The following TENM2 variants were observed in gnomAD, a reference collection of about 807,000 sequenced individuals.
The protein encoded by TENM2 is teneurin-2.
TENM2 carries 52 observed loss-of-function variants against 245.2 expected under a neutral mutation model. The ratio of observed to expected loss-of-function variants is 0.21; its 90% CI spans 0.17 to 0.27. The LOEUF is 0.27. TENM2 is among the 10% of genes least tolerant of loss of function. The probability of loss-of-function intolerance (pLI) is 1.00; values close to 1 mark genes in which losing one functional copy is unlikely to be tolerated. For missense variants in TENM2, 3,046 were observed against 3,666.8 expected (o/e 0.83, Z 4.37); for synonymous variants, 1,363 against 1,438.9 (o/e 0.95, Z 1.19).
intron 2 of TENM2, among the ~76,000 whole-genome samples, chr5:167,651,075 A>G (rs1358746114): frequency 6.6e-6 from 1 of 152,006 alleles, no homozygotes; most frequent in South Asian, 2.1e-4. Flanking sequence ...ATAGGAAATC[A>G]TGTCATCCTA....
chr5:167,506,885 G>A (rs1399355604), intron 2 of TENM2, among the ~76,000 whole-genome samples: 1 of 152,192 alleles, frequency 6.6e-6, no homozygotes, highest in Non-Finnish European at 1.5e-5. Context: ...CCATCATCTT[G>A]AACCTACTTT....
chr5:167,595,634 G>C (rs531662551), intron 2 of TENM2, among the ~76,000 whole-genome samples: 1 of 152,340 alleles, frequency 6.6e-6, no homozygotes, highest in Non-Finnish European at 1.5e-5. Context: ...GATTTCGTTA[G>C]TTGTTTAGTA....
At chr5:167,734,347 T>C (rs1760649243) in intron 2 of TENM2, among the ~76,000 whole-genome samples, 1 of 151,926 alleles carries the variant, frequency 6.6e-6, no homozygotes, top group Middle Eastern at 3.2e-3. Context: ...TAAAAAATAA[T>C]ATGAGAAATA....
At chr5:167,176,112 C>G in the TENM2 span, among the ~76,000 whole-genome samples, 1 of 152,224 alleles carries the variant, frequency 6.6e-6, no homozygotes, top group South Asian at 2.1e-4. Context: ...CATTGCACTT[C>G]AAATTAACAG....
At chr5:167,321,005 C>T (rs13178466) in intron 1 of TENM2, among the ~76,000 whole-genome samples, 88,032 of 151,832 alleles carry the variant, frequency 0.58, 25,640 homozygotes, top group Admixed American at 0.64. Flanking sequence ...TTTTGTTCTT[C>T]CAAGTCACTT....
the TENM2 span, among the ~76,000 whole-genome samples, chr5:167,030,183 T>C: frequency 6.6e-6 from 1 of 152,216 alleles, no homozygotes; most frequent in Non-Finnish European, 1.5e-5. Flanking sequence ...GCTCTTTACT[T>C]CTTCACTGAC....
At chr5:167,084,353 A>ATGTG in the TENM2 span, among the ~76,000 whole-genome samples, 1 of 110,938 alleles carries the variant, frequency 9.0e-6, no homozygotes, top group African/African-American at 3.1e-5. Context: ...ATATATATAT[A>ATGTG]TATATATATA....
At chr5:167,160,622 G>A in the TENM2 span, among the ~76,000 whole-genome samples, 1 of 152,222 alleles carries the variant, frequency 6.6e-6, no homozygotes, top group East Asian at 1.9e-4. Flanking sequence ...CACTTCCTCA[G>A]AGAACTTCCC....
chr5:167,970,607 A>G (rs1009273738), intron 4 of TENM2, among the ~76,000 whole-genome samples: 11 of 152,158 alleles, frequency 7.2e-5, no homozygotes, highest in African/African-American at 2.4e-4. Flanking sequence ...TCAAGCTCCT[A>G]ATATTCTCAG....
At chr5:167,042,884 A>G in the TENM2 span, among the ~76,000 whole-genome samples, 1 of 152,182 alleles carries the variant, frequency 6.6e-6, no homozygotes, top group African/African-American at 2.4e-5. Context: ...AACAAAGTAG[A>G]TGATTGAAAG....
intron 1 of TENM2, chr5:167,302,977 C>T (rs1385623015): frequency 6.6e-6 from 1 of 152,316 alleles, no homozygotes; most frequent in Non-Finnish European, 1.5e-5. Context: ...ATGGATAAAA[C>T]GTGTCTCCTT....
At chr5:167,811,221 C>G (rs983539365) in intron 2 of TENM2, among the ~76,000 whole-genome samples, 1 of 152,056 alleles carries the variant, frequency 6.6e-6, no homozygotes, top group Non-Finnish European at 1.5e-5. Flanking sequence ...TATGTGTCCC[C>G]TCTAAATCTC....
chr5:167,690,855 G>GTATATA (rs1171591160), intron 2 of TENM2, among the ~76,000 whole-genome samples: 3 of 150,734 alleles, frequency 2.0e-5, no homozygotes, highest in African/African-American at 7.3e-5. Context: ...ATATATGTTT[G>GTATATA]TATATATGTA....
chr5:167,151,266 G>A, the TENM2 span, among the ~76,000 whole-genome samples: 2 of 152,026 alleles, frequency 1.3e-5, no homozygotes, highest in Non-Finnish European at 2.9e-5. Flanking sequence ...TTTTTTCAAT[G>A]GGGAAAGTTT....
chr5:167,431,951 ATATATATATG>A (rs1561950343), intron 2 of TENM2, among the ~76,000 whole-genome samples: 442 of 38,998 alleles, frequency 0.011, 4 homozygotes, highest in Non-Finnish European at 0.021. Context: ...ATATATATGT[ATATATATATG>A]TATATATATA....
rs111925742 is a variant in TENM2 at position 167,658,809 on chromosome 5, G to C, written c.503-217177G>C. On this transcript the variant is annotated intron_variant, in intron 2 of 28. Transcript: ENST00000518659. ...AAATTCAGAATGGATTGTTCCAGGA[G>C]ACTGTAAGAAAGATCATGTAGCAAG... 5.9e-5 allele frequency among the ~76,000 whole-genome samples: 9 copies of C among 152,284 alleles called. 1 individual carries two copies. The highest frequency in any genetic ancestry group is 1.9e-4 in the African/African-American group (8 of 41,572).
intron 2 of TENM2, among the ~76,000 whole-genome samples, chr5:167,631,704 C>G (rs965374080): frequency 3.3e-5 from 5 of 152,114 alleles, no homozygotes; most frequent in East Asian, 1.9e-4. Flanking sequence ...ACCTCACCCC[C>G]CTGGGCTTTG....
At chr5:168,118,454 C>A in exon 10 of TENM2, 1 of 1,591,878 alleles carries the variant, frequency 6.3e-7, no homozygotes, top group South Asian at 1.1e-5. Flanking sequence ...TGTGTCTGCT[C>A]TGCTGGCTAC....
At chr5:167,426,411 A>C (rs1217523824) in intron 2 of TENM2, among the ~76,000 whole-genome samples, 1 of 152,036 alleles carries the variant, frequency 6.6e-6, no homozygotes, top group East Asian at 1.9e-4. Context: ...TTTTCTCTAA[A>C]ATAAACCTGT....
Sources: gnomAD v4.1 joint callset for allele counts (sites outside exome capture counted in the v4.1 genomes callset) on GRCh38, gnomAD v4.1.1 for gene constraint, MANE v1.5 for transcripts, NCBI Gene and HGNC (gene_info 2026-07-23, HGNC 2026-07-21) for gene names.